COG3: variants seen among roughly 807,000 people sequenced by gnomAD.
COG3 encodes the protein component of oligomeric golgi complex 3, also known as conserved oligomeric Golgi complex subunit 3.
A neutral mutation model predicts 114.1 loss-of-function variants in COG3; 32 were observed. The observed-to-expected ratio is 0.28, with a 90% CI of 0.21 to 0.38. COG3 has a LOEUF of 0.38. Among genes scored for constraint, COG3 ranks in the 10% least tolerant of loss-of-function variants. COG3 has a pLI of 1.00. For synonymous variants in COG3, 352 were observed against 365.7 expected, an observed-to-expected ratio of 0.96 and a Z score of 0.43; for missense variants, 813 against 973.2, an observed-to-expected ratio of 0.84 and a Z score of 2.19.
At chr13:45,524,955 T>C (rs762729976) in intron 19 of COG3, 21 bp from the exon 20 acceptor site, 2 of 1,605,560 alleles carry the variant, frequency 1.2e-6, no homozygotes, top group South Asian at 1.1e-5. Flanking sequence ...AAACTTTTTT[T>C]CTTTTTGTCT....
At position 45,481,440 on chromosome 13, in the gene COG3, T is replaced by C; in HGVS notation, c.624+136T>C. On this transcript the variant is annotated intron_variant, in intron 5 of 22. Transcript: ENST00000349995. ...CTTGCTTGCTGATAGATATTCCTAT[T>C]TGTAGACAGTGGAGATACCATTACC... is the stretch of plus-strand genomic sequence containing the variant. The C allele has an allele frequency of 1.2e-5, 7 of 602,334 alleles. No homozygotes were observed. The South Asian group carries it at 1.2e-4, about 10-fold the overall frequency. The allele number at this position is 602,334 out of a possible 1,614,324, so 37.3% of individuals were successfully genotyped here.
intron 14 of COG3, among the ~76,000 whole-genome samples, chr13:45,508,996 G>A (rs1870550426): frequency 6.6e-6 from 1 of 151,158 alleles, no homozygotes; most frequent in African/African-American, 2.4e-5. Flanking sequence ...CACCTCCACA[G>A]GCTCCCACCT....
In COG3 at chr13:45,529,832, A is replaced by C. The variant is rs1315707833; in HGVS notation, c.2272A>C (p.Lys758Gln). 6.2e-7 allele frequency: 1 copy of C among 1,613,628 alleles called. No individual in the cohort carries two copies. Among genetic ancestry groups the C allele is most frequent in the African/African-American group, 1.3e-5 (1 of 74,918 alleles). ...DLAATAYKTI[K>Q]TKLPVTLRSM... is the part of the protein sequence containing the mutation. Reference sequence around the variant, plus strand: ...TGCGGCAACTGCATATAAGACAATAAAAACAAAGCTGCCTGTGACATTGAG... The same window carrying C: ...TGCGGCAACTGCATATAAGACAATACAAACAAAGCTGCCTGTGACATTGAG... The change falls in exon 21 of 23, where the codon AAA becomes CAA. Residue 758 changes from lysine (K) to glutamine (Q), a missense_variant. Lys to Gln is a moderately conservative substitution (Grantham distance 53). This residue lies in a region of COG3 where 389 missense variants were observed against 542.6 expected (regional missense o/e 0.72). Coordinates refer to ENST00000349995, the MANE Select transcript of COG3 (RefSeq NM_031431.4).
chr13:45,501,183 A>G (rs1357679372), intron 13 of COG3, among the ~76,000 whole-genome samples: 1 of 152,238 alleles, frequency 6.6e-6, no homozygotes, highest in African/African-American at 2.4e-5. Context: ...AGGAAGTCCC[A>G]TGTGTAACCC....
At chr13:45,486,665 A>G in intron 8 of COG3, 90 bp downstream of exon 8, 4 of 800,018 alleles carry the variant, frequency 5.0e-6, no homozygotes, top group Non-Finnish European at 8.9e-6. Context: ...CTTTGTTTAT[A>G]CCGAGGAAGT....
At position 45,491,179 on chromosome 13, in the gene COG3, A is replaced by C. The variant is rs1035770367; in HGVS notation, c.968+221A>C. Among the ~76,000 whole-genome samples, 11 of 152,226 alleles carry C rather than the reference A, an allele frequency of 7.2e-5. No individual in the cohort carries two copies. In the South Asian group the frequency reaches 1.0e-3, roughly 14 times the overall value. ...TTCTTATTTGGGCAGATGTGGGGTC[A>C]CTATACTTGGAAAAGAAAGCTTTCT... On this transcript the variant is annotated intron_variant, in intron 9 of 22. Transcript: ENST00000349995.
chr13:45,486,462 C>A, intron 7 of COG3, 33 bp from the exon 8 acceptor site: 1 of 1,302,162 alleles, frequency 7.7e-7, no homozygotes, highest in Non-Finnish European at 1.1e-6. Flanking sequence ...TGCTAATTAT[C>A]TTCCTTCCTT....
intron 19 of COG3, among the ~76,000 whole-genome samples, chr13:45,521,888 T>G (rs986122566): frequency 6.7e-6 from 1 of 149,624 alleles, no homozygotes; most frequent in Non-Finnish European, 1.5e-5. Flanking sequence ...CTGCAACCTC[T>G]GCCTCCCGGG....
At chr13:45,518,885 T>A in intron 18 of COG3, 35 bp downstream of exon 18, 1 of 1,610,698 alleles carries the variant, frequency 6.2e-7, no homozygotes, top group Non-Finnish European at 8.5e-7. Flanking sequence ...TGGTGGGAGA[T>A]AAACGACATT....
intron 1 of COG3, among the ~76,000 whole-genome samples, chr13:45,475,964 CA>C (rs34930945): frequency 0.15 from 13,583 of 88,254 alleles, 686 homozygotes; most frequent in African/African-American, 0.24. Context: ...ACCCTGTCAC[CA>C]AAAAAAAAAA....
intron 19 of COG3, among the ~76,000 whole-genome samples, chr13:45,519,542 A>G (rs1305693627): frequency 6.6e-6 from 1 of 152,228 alleles, no homozygotes; most frequent in African/African-American, 2.4e-5. Context: ...TGAGAACTGA[A>G]GACTTTTATA....
At chr13:45,520,511 A>G (rs1872013742) in intron 19 of COG3, among the ~76,000 whole-genome samples, 1 of 152,234 alleles carries the variant, frequency 6.6e-6, no homozygotes, top group Non-Finnish European at 1.5e-5. Context: ...ATTGTTCATT[A>G]GAAACTTCTT....
intron 13 of COG3, among the ~76,000 whole-genome samples, chr13:45,501,752 G>A (rs961682203): frequency 2.6e-5 from 4 of 152,094 alleles, no homozygotes; most frequent in African/African-American, 9.7e-5. Flanking sequence ...CATTCCTGTT[G>A]CTCCAAATCC....
Position 45,496,181 on chromosome 13 carries a change from G to C in COG3, c.1357G>C (p.Val453Leu). 1 of 1,610,600 alleles carries C rather than the reference G, an allele frequency of 6.2e-7. No individual in the cohort carries two copies. The highest frequency in any genetic ancestry group is 8.5e-7 in the Non-Finnish European group (1 of 1,177,780). ...GCAACTGGGGGCATTTGCAGCTGGA[G>C]TCAAGCAGATGTTAGAAGATGTACA... Reference protein sequence around the residue: ...AEQLGAFAAGVKQMLEDVQER... With the variant: ...AEQLGAFAAGLKQMLEDVQER... The change falls in exon 13 of 23, where the codon GTC becomes CTC. Residue 453 changes from valine to leucine, a missense_variant. Val to Leu is a conservative substitution (Grantham distance 32, BLOSUM62 1). Transcript: ENST00000349995.
rs1165620966 is a variant in COG3, at chr13:45,465,524, G to T, written c.174+314G>T. The T allele has an allele frequency of 1.1e-5, 3 of 274,556 alleles. 1 individual carries two copies. The highest frequency in any genetic ancestry group is 2.2e-3 in the Middle Eastern group (2 of 922). 17.0% of individuals were successfully genotyped at this position (274,556 alleles called of 1,614,324 possible). On this transcript the variant is annotated intron_variant, in intron 1 of 22. Transcript: ENST00000349995. The stretch of plus-strand genomic sequence containing the variant: ...TTGCACCGAACGTTTTGCCCCAGAC[G>T]AGGCGTCCTGTCAGCCGAGGCGTAA...
intron 14 of COG3, 107 bp from the exon 15 acceptor site, chr13:45,509,585 G>C: frequency 7.1e-7 from 1 of 1,409,598 alleles, no homozygotes; most frequent in Non-Finnish European, 9.6e-7. Flanking sequence ...GTGCCCTCTA[G>C]CTACTTATAG....
intron 3 of COG3, 127 bp downstream of exon 3, chr13:45,479,193 T>A: frequency 3.0e-6 from 2 of 671,052 alleles, no homozygotes; most frequent in Non-Finnish European, 5.1e-6. Context: ...ATATATTCTT[T>A]AAGAATAGCC....
At chr13:45,497,150 C>T (rs1204045912) in intron 13 of COG3, among the ~76,000 whole-genome samples, 1 of 152,290 alleles carries the variant, frequency 6.6e-6, no homozygotes, top group East Asian at 1.9e-4. Flanking sequence ...GTGTCATGCT[C>T]TCTCATAAAA....
chr13:45,526,076 A>ATTT (rs386379016), intron 20 of COG3, among the ~76,000 whole-genome samples: 862 of 56,488 alleles, frequency 0.015, 178 homozygotes, highest in East Asian at 0.043. Flanking sequence ...CAAAATTTTA[A>ATTT]TTTTTTTTTT....
Sources: allele counts gnomAD v4.1 joint callset (sites outside exome capture counted in the v4.1 genomes callset), GRCh38; gene constraint gnomAD v4.1.1; regional missense constraint gnomAD v4.1.1; transcripts MANE v1.5; gene names NCBI Gene and HGNC (gene_info 2026-07-23, HGNC 2026-07-21).